The following AKAP1 variants were observed in gnomAD, a reference collection of about 807,000 sequenced individuals.
AKAP1 encodes A-kinase anchor protein 1, mitochondrial.
A neutral mutation model predicts 79.8 loss-of-function variants in AKAP1; 32 were observed. The observed-to-expected ratio is 0.40, with a 90% confidence interval of 0.30 to 0.54. The LOEUF is 0.54. Ranked by LOEUF, AKAP1 falls within the 20% of genes least tolerant of loss-of-function variation. The probability of loss-of-function intolerance (pLI) is 0.47; values close to 1 mark genes in which losing one functional copy is unlikely to be tolerated. For missense variants in AKAP1, 961 were observed against 1,138.9 expected (o/e 0.84, Z 2.25); for synonymous variants, 416 against 466.7 (o/e 0.89, Z 1.40).
intron 3 of AKAP1, 131 bp downstream of exon 3, chr17:57,110,289 A>G (rs1915160878): frequency 3.1e-6 from 4 of 1,286,776 alleles, no homozygotes; most frequent in African/African-American, 3.0e-5. Context: ...GGTCAGCCAA[A>G]GGCCGCAGGG....
At chr17:57,113,594 CTTTTTTTTTTTT>C (rs1036422001) in intron 5 of AKAP1, among the ~76,000 whole-genome samples, 10 of 82,500 alleles carry the variant, frequency 1.2e-4, no homozygotes, top group African/African-American at 3.5e-4. Flanking sequence ...GACTCACTCT[CTTTTTTTTTTTT>C]TTTTTTTTTT....
At chr17:57,097,162 A>C (rs1490912375) in intron 1 of AKAP1, among the ~76,000 whole-genome samples, 2 of 152,142 alleles carry the variant, frequency 1.3e-5, no homozygotes, top group Non-Finnish European at 2.9e-5. Flanking sequence ...TCCCATGCCC[A>C]AAGATATTAG....
In AKAP1 at chr17:57,106,298, G is replaced by C. The variant is rs1914857810; in HGVS notation, c.834G>C (p.Glu278Asp). ...GGTTCATCGAGTCGGCTCACACAGA[G>C]CTGGCAAAGGACGATGCGGCGCCAG... is the stretch of plus-strand genomic sequence containing the variant. ...PSRFIESAHT[E>D]LAKDDAAPAP... Residue 278 changes from glutamate to aspartate, a missense_variant, in exon 2 of 11, where the codon GAG (glutamate) becomes GAC (aspartate). Glu to Asp is a conservative substitution (Grantham distance 45). Transcript: ENST00000337714. 6.2e-7 allele frequency: 1 copy of C among 1,614,094 alleles called. No homozygotes were observed. The highest frequency in any genetic ancestry group is 8.5e-7 in the Non-Finnish European group (1 of 1,180,058).
Position 57,117,488 on chromosome 17 carries a change from G to A in AKAP1, c.2500+561G>A, listed in dbSNP as rs1054891640. Among the ~76,000 whole-genome samples the A allele has an allele frequency of 5.9e-5, 9 of 152,160 alleles. No individual in the cohort carries two copies. The Middle Eastern group carries it at 0.01, about 173-fold the overall frequency. ...TGTAGAGGGTGGCGAAATGGCAGCT[G>A]TTTATGGCTAGGAATTTTATATTTG... On this transcript the variant is annotated intron_variant, in intron 8 of 10. Coordinates refer to ENST00000337714, the MANE Select transcript of AKAP1 (RefSeq NM_003488.4).
intron 8 of AKAP1, 114 bp downstream of exon 8, chr17:57,117,041 A>G (rs1915630575): frequency 3.6e-6 from 4 of 1,113,724 alleles, no homozygotes; most frequent in South Asian, 2.5e-5. Context: ...AGTTGCTACC[A>G]CTCAAGAGTT....
At chr17:57,107,957 C>T in intron 2 of AKAP1, 6 of 1,289,480 alleles carry the variant, frequency 4.7e-6, no homozygotes, top group South Asian at 3.7e-5. Context: ...TGCAGCTCCA[C>T]CCCCGGGAAA....
intron 1 of AKAP1, among the ~76,000 whole-genome samples, chr17:57,091,807 G>C (rs1360640320): frequency 1.3e-5 from 2 of 151,952 alleles, no homozygotes; most frequent in Admixed American, 1.3e-4. Flanking sequence ...TCCTGCCTCA[G>C]CCTCCCAAGT....
intron 8 of AKAP1, 78 bp from the exon 9 acceptor site, chr17:57,118,303 A>G: frequency 7.5e-7 from 1 of 1,333,206 alleles, no homozygotes; most frequent in African/African-American, 1.4e-5. Context: ...CTTGGAATGC[A>G]CCTGAAACTT....
At chr17:57,111,759 T>G (rs775250520) in intron 3 of AKAP1, 39 bp from the exon 4 acceptor site, 2 of 1,607,892 alleles carry the variant, frequency 1.2e-6, no homozygotes, top group Admixed American at 1.7e-5. Context: ...GGAATTGGTT[T>G]CCCTTTAACC....
intron 1 of AKAP1, chr17:57,094,271 C>G (rs967791961): frequency 2.6e-5 from 4 of 152,332 alleles, no homozygotes; most frequent in Admixed American, 6.6e-5. Context: ...CCTTGGAATT[C>G]CCTCTCCCCT....
chr17:57,085,425 A>AG (rs1913382474), intron 1 of AKAP1, 27 bp downstream of exon 1: 1 of 151,498 alleles, frequency 6.6e-6, no homozygotes, highest in Admixed American at 6.6e-5. Flanking sequence ...TGCGCCGGGG[A>AG]CCCCCTGCCG....
rs759259 is a variant in AKAP1 at position 57,111,051 on chromosome 17, G to A, written c.1849-747G>A. Among the ~76,000 whole-genome samples, 386 of 152,210 alleles carry A rather than the reference G, an allele frequency of 2.5e-3. 2 individuals are homozygous for A. Among genetic ancestry groups the A allele is most frequent in the African/African-American group, 8.9e-3 (368 of 41,532 alleles). On this transcript the variant is annotated intron_variant, in intron 3 of 10. Transcript: ENST00000337714. ...CTCTTGGTGGTTTCCTCCCTGGGGGGCCCTGTTATCCGTCCTGCCTGCTTT... is the reference window on the plus strand; with the variant it reads ...CTCTTGGTGGTTTCCTCCCTGGGGGACCCTGTTATCCGTCCTGCCTGCTTT...
At chr17:57,100,735 C>T (rs1914454469) in intron 1 of AKAP1, among the ~76,000 whole-genome samples, 1 of 152,240 alleles carries the variant, frequency 6.6e-6, no homozygotes, top group Non-Finnish European at 1.5e-5. Context: ...CTTTTGACAG[C>T]AGGCCACGGG....
chr17:57,112,092 C>T (rs1018359996), intron 4 of AKAP1, among the ~76,000 whole-genome samples, 168 bp downstream of exon 4: 2 of 152,126 alleles, frequency 1.3e-5, no homozygotes, highest in African/African-American at 4.8e-5. Flanking sequence ...TTTCAGGTGC[C>T]TGCGGGAGAC....
Position 57,086,336 on chromosome 17 carries a change from T to C in AKAP1, c.-25+938T>C, listed in dbSNP as rs890480855. 2.3e-6 allele frequency: 1 copy of C among 437,184 alleles called. No individual in the cohort carries two copies. The highest frequency in any genetic ancestry group is 2.0e-5 in the African/African-American group (1 of 48,938). 27.1% of individuals were successfully genotyped at this position (437,184 alleles called of 1,614,324 possible). ...CGGGCTTTCTGGCGTTCAACTCTTT[T>C]GTGCCCTAGCTGAAGGTCTTCCTGT... On this transcript the variant is annotated intron_variant, in intron 1 of 10. Coordinates refer to ENST00000337714, the MANE Select transcript of AKAP1 (RefSeq NM_003488.4). The surrounding 1 kb of genome is among the most constrained non-coding windows in gnomAD (Gnocchi z 5.1).
At chr17:57,089,597 G>A (rs1913658664) in intron 1 of AKAP1, among the ~76,000 whole-genome samples, 1 of 152,162 alleles carries the variant, frequency 6.6e-6, no homozygotes, top group African/African-American at 2.4e-5. Flanking sequence ...GTTGGACAGC[G>A]CCGGCCTAGA....
intron 8 of AKAP1, 85 bp downstream of exon 8, chr17:57,117,012 G>A: frequency 7.6e-7 from 1 of 1,321,288 alleles, no homozygotes; most frequent in South Asian, 1.2e-5. Context: ...TTCTCACCTG[G>A]AGGATTTATG....
Position 57,106,830 on chromosome 17 carries a change from G to A in AKAP1, c.1366G>A (p.Ala456Thr). ...CAAGGACAGTAAGCCAAATATCTCT[G>A]CACACCACATCTCCCTGGCCTCCTG... ...PTKDSKPNIS[A>T]HHISLASCLA... Residue 456 changes from alanine to threonine, a missense_variant, in exon 2 of 11, where the codon GCA (alanine) becomes ACA (threonine). Around this residue, in one of 3 missense-constraint regions of AKAP1, gnomAD observed 629 missense variants for 781.1 expected, o/e 0.81. Transcript: ENST00000337714. 2.5e-6 allele frequency: 4 copies of A among 1,614,164 alleles called. No homozygotes were observed. The highest frequency in any genetic ancestry group is 3.4e-6 in the Non-Finnish European group (4 of 1,180,046).
intron 1 of AKAP1, among the ~76,000 whole-genome samples, chr17:57,104,689 T>A (rs1388397010): frequency 6.6e-6 from 1 of 152,250 alleles, no homozygotes; most frequent in African/African-American, 2.4e-5. Context: ...GAGTAGCGCA[T>A]CACCTATTGG....
Sources: gnomAD v4.1 joint callset for allele counts (sites outside exome capture counted in the v4.1 genomes callset) on GRCh38, gnomAD v4.1.1 for gene constraint, gnomAD v4.1.1 regional missense constraint, Gnocchi (gnomAD v3.1) non-coding constraint, MANE v1.5 for transcripts, NCBI Gene and HGNC (gene_info 2026-07-23, HGNC 2026-07-21) for gene names.